ERBIN: variants seen among roughly 807,000 people sequenced by gnomAD.
ERBIN encodes erbb2 interacting protein.
A neutral mutation model predicts 158.4 loss-of-function variants in ERBIN; 60 were observed. That is an observed-to-expected ratio of 0.38 (90% confidence interval 0.31 to 0.47). The LOEUF (loss-of-function observed/expected upper bound fraction) is 0.47. ERBIN is among the 20% of genes least tolerant of loss of function. The pLI, the probability that ERBIN is intolerant of heterozygous loss-of-function variation, is 0.99. For synonymous variants in ERBIN, 594 were observed against 557.2 expected (o/e 1.07, Z -0.93); for missense variants, 1,610 against 1,648.0 (o/e 0.98, Z 0.40).
Position 66,046,532 on chromosome 5 carries a change from T to C in ERBIN, c.1782T>C (p.Val594=). ...NLKHIVNHDD[V]FEESEELSSD... ...AGCATATTGTTAACCATGATGATGT[T>C]TTTGAGGTATGATTTTATGATTATT... Residue 594 remains valine, a synonymous_variant, in exon 18 of 26, where the codon GTT becomes GTC. Coordinates refer to ENST00000284037, the MANE Select transcript of ERBIN (RefSeq NM_001253697.2). 2 of 1,572,292 alleles carry C rather than the reference T, an allele frequency of 1.3e-6. No homozygotes were observed. The highest frequency in any genetic ancestry group is 1.7e-6 in the Non-Finnish European group (2 of 1,159,310).
chr5:66,015,964 T>C (rs1337976407), intron 7 of ERBIN, among the ~76,000 whole-genome samples: 1 of 152,228 alleles, frequency 6.6e-6, no homozygotes, highest in Non-Finnish European at 1.5e-5. Flanking sequence ...TGGATAATGT[T>C]AATGTATCTG....
chr5:66,076,762 A>G, intron 24 of ERBIN, 113 bp from the exon 25 acceptor site: 1 of 768,850 alleles, frequency 1.3e-6, no homozygotes, highest in Non-Finnish European at 2.2e-6. Context: ...AGTCAGGGAG[A>G]AAACTTGTAC....
chr5:66,079,374 T>C lies in ERBIN; in HGVS notation c.*844T>C, dbSNP rs1762274949. ...TTCTGTGTTATGGAAATCCACTGAT[T>C]TTTTTTTTTTTTTCAAATGGTGGTA... On this transcript the variant is annotated 3_prime_UTR_variant, in exon 26 of 26. Transcript: ENST00000284037. The C allele has an allele frequency of 6.8e-6, 1 of 146,090 alleles. No individual in the cohort carries two copies. The highest frequency in any genetic ancestry group is 2.6e-5 in the African/African-American group (1 of 38,552). The allele number at this position is 146,090 out of a possible 1,614,324, so 9.0% of individuals were successfully genotyped here. A position where few individuals can be genotyped will look rare whatever the true frequency, so the allele number is the denominator to read the frequency against.
intron 1 of ERBIN, among the ~76,000 whole-genome samples, chr5:65,955,948 A>G (rs1747062156): frequency 6.6e-6 from 1 of 152,242 alleles, no homozygotes; most frequent in Non-Finnish European, 1.5e-5. Context: ...TACCATATCT[A>G]TATATGATAC....
chr5:66,005,717 C>A (rs1753512458), intron 4 of ERBIN, among the ~76,000 whole-genome samples: 1 of 152,140 alleles, frequency 6.6e-6, no homozygotes, highest in South Asian at 2.1e-4. Context: ...GATACAAAAT[C>A]AATGTGCAAA....
At chr5:66,068,431 A>G (rs1761219194) in intron 21 of ERBIN, among the ~76,000 whole-genome samples, 1 of 152,208 alleles carries the variant, frequency 6.6e-6, no homozygotes, top group Non-Finnish European at 1.5e-5. Context: ...GCATAAAATG[A>G]AGTAGATTCT....
At chr5:66,052,528 G>T (rs1475207594) in intron 20 of ERBIN, among the ~76,000 whole-genome samples, 2 of 152,036 alleles carry the variant, frequency 1.3e-5, no homozygotes, top group Non-Finnish European at 2.9e-5. Flanking sequence ...TGGGAAAGCG[G>T]TATGATATTT....
At chr5:66,060,591 G>A (rs1232602143) in intron 21 of ERBIN, among the ~76,000 whole-genome samples, 1 of 152,010 alleles carries the variant, frequency 6.6e-6, no homozygotes, top group Admixed American at 6.6e-5. Context: ...GTTTTTGAAT[G>A]TGTTTGCTCT....
At chr5:66,037,312 A>G (rs1757492740) in intron 14 of ERBIN, among the ~76,000 whole-genome samples, 1 of 152,116 alleles carries the variant, frequency 6.6e-6, no homozygotes, top group Non-Finnish European at 1.5e-5. Flanking sequence ...GGTATGGGTT[A>G]TATGCCTCAA....
rs1342176930 is a variant in ERBIN at position 66,054,104 on chromosome 5, G to C, written c.2786G>C (p.Gly929Ala). Residue 929 changes from glycine to alanine, a missense_variant, in exon 21 of 26, where the codon GGT becomes GCT. This residue lies in a region of ERBIN where 1,014 missense variants were observed against 936.1 expected (regional missense o/e 1.08). Transcript: ENST00000284037. Reference protein sequence around the residue: ...LYDQPLQVFTGSSSSSDLISG... With the variant: ...LYDQPLQVFTASSSSSDLISG... ...GATCAACCATTGCAGGTATTTACTGGTTCTTCCTCATCTTCTGATTTAATA... is the reference window on the plus strand; with the variant it reads ...GATCAACCATTGCAGGTATTTACTGCTTCTTCCTCATCTTCTGATTTAATA... 3.1e-6 allele frequency: 5 copies of C among 1,614,062 alleles called. No homozygotes were observed. In the South Asian group the frequency reaches 4.4e-5, roughly 14 times the overall value.
chr5:66,011,939 C>T (rs1754251261), intron 4 of ERBIN, 110 bp from the exon 5 acceptor site: 2 of 576,162 alleles, frequency 3.5e-6, no homozygotes, highest in Middle Eastern at 4.8e-4. Flanking sequence ...CATCTAGTTC[C>T]TTGTTAATTG....
At chr5:66,067,703 AT>A (rs1761130563) in intron 21 of ERBIN, among the ~76,000 whole-genome samples, 1 of 152,120 alleles carries the variant, frequency 6.6e-6, no homozygotes, top group Non-Finnish European at 1.5e-5. Context: ...AATGGGGAAA[AT>A]TTGCCACACA....
intron 4 of ERBIN, among the ~76,000 whole-genome samples, chr5:65,996,121 G>A (rs969635785): frequency 2.6e-4 from 40 of 151,628 alleles, no homozygotes; most frequent in African/African-American, 8.7e-4. Flanking sequence ...GTGTGATCCC[G>A]TTTGTCTGTT....
In ERBIN at chr5:66,055,834, T is replaced by G. The variant is rs868630320; in HGVS notation, c.3633+883T>G. Among the ~76,000 whole-genome samples the G allele has an allele frequency of 3.9e-5, 6 of 152,322 alleles. No individual in the cohort carries two copies. In the Middle Eastern group the frequency reaches 0.017, roughly 432 times the overall value. On this transcript the variant is annotated intron_variant, in intron 21 of 25. Coordinates refer to ENST00000284037, the MANE Select transcript of ERBIN (RefSeq NM_001253697.2). ...CTTAAATAAAATTTTCAGAAATGCC[T>G]AAAATATATTAGTACCTCATATCAG...
rs531578343 is a variant in ERBIN, at chr5:66,045,201, A to G, written c.1602+891A>G. 3.9e-5 allele frequency among the ~76,000 whole-genome samples: 6 copies of G among 152,270 alleles called. No individual in the cohort carries two copies. The East Asian group carries it at 1.2e-3, about 29-fold the overall frequency. On this transcript the variant is annotated intron_variant, in intron 17 of 25. Coordinates refer to ENST00000284037, the MANE Select transcript of ERBIN (RefSeq NM_001253697.2). The stretch of plus-strand genomic sequence containing the variant: ...GCCACAGCACTCCGGCATGGGTGAC[A>G]GAGCGAGACCCTGTCTCAAAAAAAG...
intron 1 of ERBIN, among the ~76,000 whole-genome samples, chr5:65,940,926 G>A (rs1744923373): frequency 6.6e-6 from 1 of 152,182 alleles, no homozygotes; most frequent in Non-Finnish European, 1.5e-5. Context: ...CCATGTCTGT[G>A]TAGAAAGAGG....
At chr5:66,073,536 T>C (rs1200907706) in intron 22 of ERBIN, among the ~76,000 whole-genome samples, 1 of 152,186 alleles carries the variant, frequency 6.6e-6, no homozygotes, top group African/African-American at 2.4e-5. Flanking sequence ...AGAATTTAAC[T>C]AAGTTCTCAA....
intron 5 of ERBIN, 113 bp from the exon 6 acceptor site, chr5:66,013,436 A>G (rs924137511): frequency 2.5e-6 from 2 of 795,118 alleles, no homozygotes; most frequent in African/African-American, 3.5e-5. Context: ...GCCACTCATA[A>G]CAGAAGCGAC....
chr5:65,980,912 G>T (rs547597839), intron 1 of ERBIN, among the ~76,000 whole-genome samples: 3 of 152,244 alleles, frequency 2.0e-5, no homozygotes, highest in African/African-American at 7.2e-5. Context: ...AATTGGTAAG[G>T]CTATAGAAGA....
Sources: gnomAD v4.1 joint callset for allele counts (sites outside exome capture counted in the v4.1 genomes callset) on GRCh38, gnomAD v4.1.1 for gene constraint, gnomAD v4.1.1 regional missense constraint, MANE v1.5 for transcripts, NCBI Gene and HGNC (gene_info 2026-07-23, HGNC 2026-07-21) for gene names.